Variants in DNAH14 observed in about 807,000 individuals in gnomAD.
The protein encoded by DNAH14 is axonemal beta dynein heavy chain 14.
Under a neutral mutation model 520.9 loss-of-function variants are expected in DNAH14, and 478 were observed. The observed-to-expected ratio is 0.92, with a 90% CI of 0.85 to 0.99. The LOEUF (loss-of-function observed/expected upper bound fraction) is 0.99, where lower values mean the gene tolerates loss of function less well. Ranked by LOEUF, DNAH14 falls within the 50% of genes least tolerant of loss-of-function variation. The pLI, the probability that DNAH14 is intolerant of heterozygous loss-of-function variation, is 0.00. For synonymous variants in DNAH14, 1,581 were observed against 1,757.2 expected (o/e 0.90, Z 2.51); for missense variants, 4,831 against 5,234.5 (o/e 0.92, Z 2.38).
Position 225,072,149 on chromosome 1 carries a change from C to T in DNAH14, c.2425-7058C>T, listed in dbSNP as rs369043068. Among the ~76,000 whole-genome samples the T allele has an allele frequency of 1.1e-4, 16 of 152,264 alleles. No individual in the cohort carries two copies. In the East Asian group the frequency reaches 1.4e-3, roughly 13 times the overall value. ...CTGAGATATGTTTTTCAAGTTGGCT[C>T]CATTCTCTCCATCTCTTTCAGGTAC... On this transcript the variant is annotated intron_variant, in intron 17 of 85. Transcript: ENST00000682510.
At chr1:225,121,915 G>A (rs1232595724) in intron 26 of DNAH14, among the ~76,000 whole-genome samples, 1 of 151,564 alleles carries the variant, frequency 6.6e-6, no homozygotes, top group Non-Finnish European at 1.5e-5. Context: ...TAAAGAGAAT[G>A]TACAAGTACA....
chr1:225,206,162 T>C lies in DNAH14; in HGVS notation c.6169T>C (p.Cys2057Arg), dbSNP rs1235462253. Residue 2057 changes from cysteine to arginine, a missense_variant, in exon 40 of 86, where the codon TGT (cysteine) becomes CGT (arginine). Cys to Arg is a radical substitution (Grantham distance 180). Transcript: ENST00000682510. Reference sequence around the variant, plus strand: ...GGCCAGTCCTGCTACTGTCAGCCGATGTGCCATGGTCTATATGGTAAGCTT... The same window carrying C: ...GGCCAGTCCTGCTACTGTCAGCCGACGTGCCATGGTCTATATGGTAAGCTT... ...SQASPATVSR[C>R]AMVYMDPVDL... The C allele has an allele frequency of 1.3e-6, 2 of 1,551,144 alleles. No homozygotes were observed. The highest frequency in any genetic ancestry group is 1.4e-5 in the African/African-American group (1 of 73,050).
intron 21 of DNAH14, among the ~76,000 whole-genome samples, chr1:225,093,326 A>G (rs1021727192): frequency 3.6e-4 from 55 of 152,208 alleles, no homozygotes; most frequent in African/African-American, 1.3e-3. Context: ...AGTTGGTTCA[A>G]CATACACAAA....
chr1:225,098,688 T>C (rs1039313518), intron 22 of DNAH14, among the ~76,000 whole-genome samples: 3 of 152,194 alleles, frequency 2.0e-5, no homozygotes, highest in African/African-American at 7.2e-5. Context: ...CTGAAAGTTC[T>C]CAAAGGTGAA....
In DNAH14 at chr1:225,389,896, G is replaced by C. The variant is rs1558610822; in HGVS notation, c.13330+23G>C. On this transcript the variant is annotated intron_variant, in intron 83 of 85. Transcript: ENST00000682510. ...AAGGTGAGCATTAGAACCAAGGTCA[G>C]CTCCAGACCTGGCCCAGGCAAGTTT... 3 of 1,549,972 alleles carry C rather than the reference G, an allele frequency of 1.9e-6. 1 individual carries two copies. The South Asian group carries it at 3.6e-5, about 18-fold the overall frequency.
intron 1 of DNAH14, among the ~76,000 whole-genome samples, chr1:224,938,932 A>C (rs1305695322): frequency 6.6e-6 from 1 of 152,234 alleles, no homozygotes; most frequent in Non-Finnish European, 1.5e-5. Flanking sequence ...AGCCAAGCAC[A>C]GAAAGACAGA....
chr1:225,304,010 GA>G (rs950898154), intron 57 of DNAH14, among the ~76,000 whole-genome samples: 1 of 150,818 alleles, frequency 6.6e-6, no homozygotes, highest in Non-Finnish European at 1.5e-5. Flanking sequence ...AGTAGAACCA[GA>G]AGAAAAAAAA....
At chr1:224,940,885 A>C (rs1244339541) in intron 1 of DNAH14, among the ~76,000 whole-genome samples, 2 of 152,142 alleles carry the variant, frequency 1.3e-5, no homozygotes, top group Non-Finnish European at 2.9e-5. Flanking sequence ...TCCATGGTGT[A>C]TATGTGCCAC....
chr1:225,202,639 C>A (rs2086999217), intron 38 of DNAH14, among the ~76,000 whole-genome samples: 1 of 152,212 alleles, frequency 6.6e-6, no homozygotes, highest in African/African-American at 2.4e-5. Context: ...GCAAGTAGGG[C>A]TTTCATGCTT....
chr1:225,043,832 A>T, intron 14 of DNAH14, 43 bp downstream of exon 14: 1 of 1,458,856 alleles, frequency 6.9e-7, no homozygotes, highest in Non-Finnish European at 9.4e-7. Flanking sequence ...ATTGTATTTT[A>T]TATGGTAGTT....
intron 66 of DNAH14, among the ~76,000 whole-genome samples, chr1:225,336,212 C>G (rs61850032): frequency 0.19 from 27,948 of 148,428 alleles, 2,953 homozygotes; most frequent in East Asian, 0.35. Flanking sequence ...AAGCACAAAA[C>G]AGAAAACATA....
At chr1:225,198,045 T>A (rs1178679594) in intron 38 of DNAH14, among the ~76,000 whole-genome samples, 1 of 152,174 alleles carries the variant, frequency 6.6e-6, no homozygotes, top group Non-Finnish European at 1.5e-5. Context: ...TCTTGTCTGA[T>A]TGCTCTGGCT....
chr1:225,377,214 C>A, intron 78 of DNAH14, 23 bp from the exon 79 acceptor site: 4 of 1,372,312 alleles, frequency 2.9e-6, no homozygotes, highest in Middle Eastern at 1.9e-4. Context: ...AAGAAAAAAG[C>A]TAACAAAATG....
In DNAH14 at chr1:225,354,765, A is replaced by G. The variant is rs574316822; in HGVS notation, c.11619+877A>G. Among the ~76,000 whole-genome samples, 26 of 152,288 alleles carry G rather than the reference A, an allele frequency of 1.7e-4. No individual in the cohort carries two copies. The South Asian group carries it at 5.4e-3, about 32-fold the overall frequency. On this transcript the variant is annotated intron_variant, in intron 73 of 85. Coordinates refer to ENST00000682510, the MANE Select transcript of DNAH14 (RefSeq NM_001367479.1). The stretch of plus-strand genomic sequence containing the variant: ...TTGACATTTACTCCCTAATTTAGTG[A>G]AGGGAAAATCTCTCATCTCATTTAA...
At chr1:225,172,044 A>C (rs1298289794) in intron 36 of DNAH14, among the ~76,000 whole-genome samples, 1 of 152,226 alleles carries the variant, frequency 6.6e-6, no homozygotes. Context: ...GATGCAGAAA[A>C]GGCCTTTGAC....
chr1:225,228,790 G>A (rs1408814101), intron 41 of DNAH14, among the ~76,000 whole-genome samples: 1 of 152,120 alleles, frequency 6.6e-6, no homozygotes. Context: ...AAACAGAAAA[G>A]GGGGAGATGT....
intron 34 of DNAH14, 80 bp downstream of exon 34, chr1:225,153,906 T>C: frequency 6.3e-6 from 7 of 1,111,186 alleles, no homozygotes; most frequent in Admixed American, 2.4e-5. Context: ...CGGGTGATGA[T>C]GCCAAGTTAA....
chr1:225,007,551 C>A lies in DNAH14; in HGVS notation c.1107+7C>A. ...GAAAAGTACTTTTCTAAAGGTAATTCTTTAATTATATCATATTTATCAAAG... is the reference window on the plus strand; with the variant it reads ...GAAAAGTACTTTTCTAAAGGTAATTATTTAATTATATCATATTTATCAAAG... On this transcript the variant is annotated splice_region_variant and intron_variant, in intron 10 of 85. Transcript: ENST00000682510. 1 of 1,508,516 alleles carries A rather than the reference C, an allele frequency of 6.6e-7. No individual in the cohort carries two copies. Among genetic ancestry groups the A allele is most frequent in the Non-Finnish European group, 8.9e-7 (1 of 1,124,154 alleles). The allele number at this position is 1,508,516 out of a possible 1,614,324, so 93.4% of individuals were successfully genotyped here.
At chr1:224,970,365 T>C (rs112568784) in intron 7 of DNAH14, among the ~76,000 whole-genome samples, 4 of 152,100 alleles carry the variant, frequency 2.6e-5, no homozygotes, top group South Asian at 2.1e-4. Context: ...CGAAACTTCA[T>C]TGGCAATTTT....
Sources: allele counts gnomAD v4.1 joint callset (sites outside exome capture counted in the v4.1 genomes callset), GRCh38; gene constraint gnomAD v4.1.1; transcripts MANE v1.5; gene names NCBI Gene and HGNC (gene_info 2026-07-23, HGNC 2026-07-21).